Variants in OR6B3 observed in about 807,000 individuals in gnomAD.
OR6B3 encodes the protein olfactory receptor 6B3.
For missense variants in OR6B3, 315 were observed against 427.4 expected (o/e 0.74, Z 2.32); for synonymous variants, 148 against 187.8 (o/e 0.79, Z 1.73).
At chr2:240,045,152 C>T (rs1385868408) in exon 2 of OR6B3, 3 of 1,614,058 alleles carry the variant, frequency 1.9e-6, no homozygotes, top group Non-Finnish European at 2.5e-6. Flanking sequence ...CGCAGCTCGT[C>T]AAGCCGAAGG....
At chr2:240,048,245 C>T (rs900098900), upstream of OR6B3, among the ~76,000 whole-genome samples, 11 of 152,072 alleles carry the variant, frequency 7.2e-5, no homozygotes, top group Admixed American at 2.0e-4. Flanking sequence ...GAGTTTAAAC[C>T]ACAGTAGTAT....
exon 2 of OR6B3, chr2:240,045,947 G>A (rs1698182093): frequency 3.9e-6 from 6 of 1,550,498 alleles, no homozygotes; most frequent in Non-Finnish European, 5.3e-6. Context: ...TGATGGCCAG[G>A]TTCTCCACCA....
At chr2:240,052,743 C>T in the OR6B3 span, among the ~76,000 whole-genome samples, 1 of 152,218 alleles carries the variant, frequency 6.6e-6, no homozygotes, top group Non-Finnish European at 1.5e-5. This position sits in a 1 kb window ranked among gnomAD's most constrained non-coding sequence, Gnocchi z 4.5. Flanking sequence ...GGGCCCGACA[C>T]GCATAGCCTG....
At chr2:240,052,069 C>A in the OR6B3 span, among the ~76,000 whole-genome samples, 1 of 152,122 alleles carries the variant, frequency 6.6e-6, no homozygotes, top group East Asian at 1.9e-4. The surrounding 1 kb of genome is among the most constrained non-coding windows in gnomAD (Gnocchi z 4.5). Context: ...GACTTTTAAG[C>A]TGAAAAATCT....
At position 240,045,777 on chromosome 2, in the gene OR6B3, G is replaced by A. The variant is rs765260499; in HGVS notation, c.296C>T (p.Thr99Met). Residue 99 changes from threonine (T) to methionine (M), a missense_variant, in exon 2 of 2, where the codon ACG (threonine) becomes ATG (methionine). Physicochemically the swap from Thr to Met is moderately conservative, Grantham distance 81. Transcript: ENST00000641019. ...CAGGGAGCTGAAGAAGTAGAGCTGC[G>A]TCATGCACCCGACGAAAGAGATGCG... 15 of 1,450,984 alleles carry A rather than the reference G, an allele frequency of 1.0e-5. No homozygotes were observed. The highest frequency in any genetic ancestry group is 3.4e-5 in the South Asian group (3 of 87,716). The allele number at this position is 1,450,984 out of a possible 1,614,324, so 89.9% of individuals were successfully genotyped here.
chr2:240,050,821 A>G (rs937762073), upstream of OR6B3, among the ~76,000 whole-genome samples: 1 of 152,114 alleles, frequency 6.6e-6, no homozygotes, highest in Admixed American at 6.5e-5. Flanking sequence ...TCAAAGGTAA[A>G]AACAAATTAG....
exon 2 of OR6B3, chr2:240,045,689 G>C (rs886383619): frequency 2.2e-6 from 3 of 1,343,670 alleles, no homozygotes; most frequent in Middle Eastern, 1.9e-4. Context: ...AGCGCAGCGG[G>C]TGGCAGATGG....
At chr2:240,050,580 G>A (rs1432276333), upstream of OR6B3, among the ~76,000 whole-genome samples, 5 of 152,090 alleles carry the variant, frequency 3.3e-5, no homozygotes, top group African/African-American at 9.7e-5. Context: ...CTGGCGTCAT[G>A]GCAGGCACCT....
upstream of OR6B3, among the ~76,000 whole-genome samples, chr2:240,047,616 G>C (rs754022429): frequency 1.3e-5 from 2 of 152,144 alleles, no homozygotes; most frequent in Admixed American, 6.5e-5. Context: ...TTTGTTTCAC[G>C]TGAGTATATT....
chr2:240,052,709 G>A, the OR6B3 span, among the ~76,000 whole-genome samples: 1 of 152,246 alleles, frequency 6.6e-6, no homozygotes, highest in Non-Finnish European at 1.5e-5. The surrounding 1 kb of genome is among the most constrained non-coding windows in gnomAD (Gnocchi z 4.5). Context: ...ACACGACAGG[G>A]TAGAGCCCAA....
chr2:240,053,161 G>C, the OR6B3 span, among the ~76,000 whole-genome samples: 1 of 152,148 alleles, frequency 6.6e-6, no homozygotes, highest in Non-Finnish European at 1.5e-5. This position sits in a 1 kb window ranked among gnomAD's most constrained non-coding sequence, Gnocchi z 4.1. Context: ...TGGCTTCTGA[G>C]CACCTCTCAA....
At chr2:240,051,974 T>A (rs1157005099), upstream of OR6B3, among the ~76,000 whole-genome samples, 45 of 152,202 alleles carry the variant, frequency 3.0e-4, no homozygotes. Flanking sequence ...TTGTAACTAC[T>A]GCTACGTAAC....
At chr2:240,045,594 A>G in exon 2 of OR6B3, 1 of 1,506,352 alleles carries the variant, frequency 6.6e-7, no homozygotes. Context: ...GATAAAACAG[A>G]CCTTGATCAT....
exon 2 of OR6B3, chr2:240,045,956 C>G: frequency 6.4e-7 from 1 of 1,573,030 alleles, no homozygotes; most frequent in South Asian, 1.1e-5. Flanking sequence ...GGTTCTCCAC[C>G]AGGACAAAGA....
At chr2:240,044,651 G>A (rs570406019), downstream of OR6B3, among the ~76,000 whole-genome samples, 58 of 152,202 alleles carry the variant, frequency 3.8e-4, no homozygotes, top group Non-Finnish European at 7.6e-4. Context: ...AGGCAGAGGG[G>A]GCATCCACCC....
chr2:240,046,394 C>G (rs1360737293), intron 1 of OR6B3, among the ~76,000 whole-genome samples: 4 of 152,190 alleles, frequency 2.6e-5, no homozygotes, highest in Admixed American at 6.5e-5. Flanking sequence ...CTGGACTTCT[C>G]CAAGGGACCC....
chr2:240,050,739 GA>G (rs10594725), upstream of OR6B3, among the ~76,000 whole-genome samples: 64,636 of 129,250 alleles, frequency 0.5, 16,684 homozygotes, highest in East Asian at 0.76. Flanking sequence ...AAAAAAAAAG[GA>G]AAAAAAAAAA....
upstream of OR6B3, among the ~76,000 whole-genome samples, chr2:240,050,721 C>CAAAAAAAAAAAAA (rs61309204): frequency 1.7e-5 from 1 of 57,330 alleles, no homozygotes; most frequent in Non-Finnish European, 4.2e-5. Context: ...CTCAAAGAGA[C>CAAAAAAAAAAAAA]AAAAAAAAAA....
exon 2 of OR6B3, chr2:240,045,565 C>A (rs2106526564): frequency 1.3e-6 from 2 of 1,561,694 alleles, no homozygotes; most frequent in East Asian, 4.5e-5. Flanking sequence ...ACGTTGGAGC[C>A]ACAGAACGTG....
Sources: allele counts gnomAD v4.1 joint callset (sites outside exome capture counted in the v4.1 genomes callset), GRCh38; gene constraint gnomAD v4.1.1; non-coding constraint Gnocchi (gnomAD v3.1); transcripts MANE v1.5; gene names NCBI Gene and HGNC (gene_info 2026-07-23, HGNC 2026-07-21).